The following CASZ1 variants were observed in gnomAD, a reference collection of about 807,000 sequenced individuals.
The protein encoded by CASZ1 is castor zinc finger 1, also known as zinc finger protein castor homolog 1.
In CASZ1, 28 loss-of-function variants were observed where a neutral mutation model predicts 135.2. That is an observed-to-expected ratio of 0.21 (90% CI 0.15 to 0.28). CASZ1 has a LOEUF of 0.28. Ranked by LOEUF, CASZ1 falls within the 10% of genes least tolerant of loss-of-function variation. The pLI is 1.00. For synonymous variants in CASZ1, 1,068 were observed against 1,073.4 expected, an observed-to-expected ratio of 0.99 and a Z score of 0.10; for missense variants, 2,161 against 2,453.3, an observed-to-expected ratio of 0.88 and a Z score of 2.52.
chr1:10,744,739 G>A (rs1640006552), intron 2 of CASZ1, among the ~76,000 whole-genome samples: 1 of 152,146 alleles, frequency 6.6e-6, no homozygotes, highest in Admixed American at 6.5e-5. Context: ...GGCGACAGGG[G>A]AACACAGTCC....
rs1642101886 is a variant in CASZ1 at position 10,639,115 on chromosome 1, C to CGTCGTCGTCCTG, written c.5106_5107insCAGGACGACGAC (p.Asp1702_Asp1703insGlnAspAspAsp). 1 of 1,159,962 alleles carries CGTCGTCGTCCTG rather than the reference C, an allele frequency of 8.6e-7. No individual in the cohort carries two copies. Among genetic ancestry groups the CGTCGTCGTCCTG allele is most frequent in the Non-Finnish European group, 1.1e-6 (1 of 918,426 alleles). 71.9% of individuals were successfully genotyped at this position (1,159,962 alleles called of 1,614,324 possible). A position where few individuals can be genotyped will look rare whatever the true frequency, so the allele number is the denominator to read the frequency against. ...TCGTCGTCCTCGTCGTCGTCCTCGT[C>CGTCGTCGTCCTG]GTCGTCGTCCTCGTCGTCGTCCTCG... On this transcript the variant is annotated inframe_insertion, in exon 21 of 21. Coordinates refer to ENST00000377022, the MANE Select transcript of CASZ1 (RefSeq NM_001079843.3). The surrounding 1 kb of genome is among the most constrained non-coding windows in gnomAD (Gnocchi z 4.0).
intron 2 of CASZ1, among the ~76,000 whole-genome samples, chr1:10,743,727 C>T (rs1183181117): frequency 6.6e-6 from 1 of 150,918 alleles, no homozygotes. Flanking sequence ...ATCCAGTGCC[C>T]TGTTTGTGCC....
At chr1:10,752,654 G>A (rs955113223) in intron 2 of CASZ1, among the ~76,000 whole-genome samples, 4 of 152,218 alleles carry the variant, frequency 2.6e-5, no homozygotes, top group African/African-American at 7.2e-5. Flanking sequence ...AGCTGCCCTG[G>A]AGAGGGAGCC....
chr1:10,763,196 C>T (rs376738014), intron 1 of CASZ1, among the ~76,000 whole-genome samples: 20 of 152,336 alleles, frequency 1.3e-4, no homozygotes, highest in African/African-American at 4.8e-4. Context: ...CCATGGATCC[C>T]GGTCAGAAAG....
intron 2 of CASZ1, among the ~76,000 whole-genome samples, chr1:10,723,342 T>C (rs1008954398): frequency 1.3e-5 from 2 of 152,118 alleles, no homozygotes; most frequent in East Asian, 1.9e-4. Context: ...CACTCACAGA[T>C]ACAGCCTCCT....
chr1:10,653,890 C>T lies in CASZ1; in HGVS notation c.2167G>A (p.Asp723Asn), dbSNP rs139467760. The change falls in exon 11 of 21, where the codon GAC (aspartate) becomes AAC (asparagine). Residue 723 changes from aspartate to asparagine, a missense_variant. Around this residue, in one of 7 missense-constraint regions of CASZ1, gnomAD observed 406 missense variants for 387.6 expected, o/e 1.05. Coordinates refer to ENST00000377022, the MANE Select transcript of CASZ1 (RefSeq NM_001079843.3). The stretch of plus-strand genomic sequence containing the variant: ...AGGGCGGAGAAGTCAACAAGGTCGT[C>T]GTTGCTGGACTCCTCGTGCTCCGTG... ...KDTEHEESSN[D>N]DLVDFSALSS... The T allele has an allele frequency of 7.4e-6, 12 of 1,613,274 alleles. No homozygotes were observed. Among genetic ancestry groups the T allele is most frequent in the East Asian group, 4.5e-5 (2 of 44,868 alleles).
At chr1:10,643,408 GGTCA>G (rs1164900251) in intron 18 of CASZ1, 97 bp from the exon 19 acceptor site, 173 of 1,314,894 alleles carry the variant, frequency 1.3e-4, no homozygotes, top group Non-Finnish European at 1.8e-4. Flanking sequence ...GGGGCAGTGT[GGTCA>G]GTAAGGCAGA....
intron 2 of CASZ1, among the ~76,000 whole-genome samples, chr1:10,740,355 G>T (rs567777963): frequency 3.3e-5 from 5 of 152,170 alleles, no homozygotes; most frequent in Non-Finnish European, 7.3e-5. Context: ...TAATCCATGC[G>T]CCCCAGCCCG....
intron 4 of CASZ1, among the ~76,000 whole-genome samples, chr1:10,672,438 A>G (rs1643435451): frequency 6.7e-6 from 1 of 148,342 alleles, no homozygotes; most frequent in African/African-American, 2.5e-5. Context: ...CTTGGGACGG[A>G]CAGTGATCCT....
chr1:10,728,070 C>T (rs1489296894), intron 2 of CASZ1, among the ~76,000 whole-genome samples: 2 of 152,236 alleles, frequency 1.3e-5, no homozygotes, highest in African/African-American at 4.8e-5. Flanking sequence ...AGGTCTGCTC[C>T]TTCCCCACAT....
chr1:10,643,076 T>C, intron 19 of CASZ1, 76 bp from the exon 20 acceptor site: 1 of 1,595,436 alleles, frequency 6.3e-7, no homozygotes, highest in Admixed American at 1.7e-5. Flanking sequence ...TGAGGCTCCA[T>C]GCAGCACAGG....
rs1557463483 is a variant in CASZ1, at chr1:10,649,127, A to T, written c.3101T>A (p.Val1034Glu). 6.2e-7 allele frequency: 1 copy of T among 1,613,696 alleles called. No individual in the cohort carries two copies. ...GAAGAGCGCGCCGCATTCCTCCACCACGCAGTGGAAGTGGGCCTTGTGGAG... is the reference window on the plus strand; with the variant it reads ...GAAGAGCGCGCCGCATTCCTCCACCTCGCAGTGGAAGTGGGCCTTGTGGAG... The part of the protein sequence containing the change: ...DFLHKAHFHC[V>E]VEECGALFST... Residue 1034 changes from valine (V) to glutamate (E), a missense_variant, in exon 15 of 21, where the codon GTG (valine) becomes GAG (glutamate). Val to Glu is a moderately radical substitution (Grantham distance 121). Around this residue, in one of 7 missense-constraint regions of CASZ1, gnomAD observed 349 missense variants for 460.8 expected, o/e 0.76. Transcript: ENST00000377022.
Position 10,653,559 on chromosome 1 carries a change from G to C in CASZ1, c.2498C>G (p.Thr833Ser), listed in dbSNP as rs1013847958. The change falls in exon 11 of 21, where the codon ACC becomes AGC. Residue 833 changes from threonine (T) to serine (S), a missense_variant. By Grantham distance (58) the Thr-to-Ser change is moderately conservative. This residue lies in a region of CASZ1 where 406 missense variants were observed against 387.6 expected (regional missense o/e 1.05). Transcript: ENST00000377022. Reference protein sequence around the residue: ...AVSSGSAASATPDTPTLVASG... With the variant: ...AVSSGSAASASPDTPTLVASG... The stretch of plus-strand genomic sequence containing the variant: ...GGCGACCAGCGTGGGTGTGTCAGGG[G>C]TGGCTGAGGCTGCTGACCCAGACGA... 4 of 1,582,706 alleles carry C rather than the reference G, an allele frequency of 2.5e-6. No individual in the cohort carries two copies. Among genetic ancestry groups the C allele is most frequent in the Non-Finnish European group, 3.4e-6 (4 of 1,162,362 alleles).
rs1018598448 is a variant in CASZ1 at position 10,756,352 on chromosome 1, C to T, written c.-77+4349G>A. Among the ~76,000 whole-genome samples, 22 of 152,240 alleles carry T rather than the reference C, an allele frequency of 1.4e-4. No homozygotes were observed. Among genetic ancestry groups the T allele is most frequent in the Admixed American group, 1.1e-3 (17 of 15,294 alleles). On this transcript the variant is annotated intron_variant, in intron 2 of 20. Transcript: ENST00000377022. The surrounding 1 kb of genome is among the most constrained non-coding windows in gnomAD (Gnocchi z 5.9). ...ATCACCGGCCCTCCCTTCCTGTCAC[C>T]TCCATGGAGGTCAGGTCTCCAGAGT... is the stretch of plus-strand genomic sequence containing the variant.
chr1:10,660,377 A>T lies in CASZ1; in HGVS notation c.665T>A (p.Met222Lys). ...GSTPEAATSSMLPTSEDTLSK... is the reference protein window; with the variant it reads ...GSTPEAATSSKLPTSEDTLSK... Reference sequence around the variant, plus strand: ...GAGGGTATCCTCGGAGGTGGGCAGCATGGAGGAGGTGGCTGCCTCCGGGGT... The same window carrying T: ...GAGGGTATCCTCGGAGGTGGGCAGCTTGGAGGAGGTGGCTGCCTCCGGGGT... Residue 222 changes from methionine (M) to lysine (K), a missense_variant, in exon 6 of 21, where the codon ATG (methionine) becomes AAG (lysine). Physicochemically the swap from Met to Lys is moderately conservative, Grantham distance 95. Coordinates refer to ENST00000377022, the MANE Select transcript of CASZ1 (RefSeq NM_001079843.3). The T allele has an allele frequency of 6.2e-7, 1 of 1,614,182 alleles. No individual in the cohort carries two copies. Among genetic ancestry groups the T allele is most frequent in the Non-Finnish European group, 8.5e-7 (1 of 1,180,020 alleles).
rs532177284 is a variant in CASZ1 at position 10,721,667 on chromosome 1, C to T, written c.-76-16123G>A. Reference sequence around the variant, plus strand: ...GGTGGAGGGTACGCCAGTGACCTCCCCTCCTAAGCTGCACCTCACCACTGA... The same window carrying T: ...GGTGGAGGGTACGCCAGTGACCTCCTCTCCTAAGCTGCACCTCACCACTGA... On this transcript the variant is annotated intron_variant, in intron 2 of 20. Coordinates refer to ENST00000377022, the MANE Select transcript of CASZ1 (RefSeq NM_001079843.3). This position sits in a 1 kb window ranked among gnomAD's most constrained non-coding sequence, Gnocchi z 5.4. 1.2e-3 allele frequency among the ~76,000 whole-genome samples: 183 copies of T among 152,304 alleles called. 2 individuals carry two copies. Among genetic ancestry groups the T allele is most frequent in the African/African-American group, 4.2e-3 (175 of 41,562 alleles).
rs1639023983 is a variant in CASZ1 at position 10,700,010 on chromosome 1, C to G, written c.-24+5482G>C. Among the ~76,000 whole-genome samples, 1 of 148,086 alleles carries G rather than the reference C, an allele frequency of 6.8e-6. No homozygotes were observed. The highest frequency in any genetic ancestry group is 2.2e-4 in the South Asian group (1 of 4,590). ...AGACAGGCAGAGAGAGAGAGAGAAACAGAGACAGAGAAAGAGAGAGAGAGA... is the reference window on the plus strand; with the variant it reads ...AGACAGGCAGAGAGAGAGAGAGAAAGAGAGACAGAGAAAGAGAGAGAGAGA... On this transcript the variant is annotated intron_variant, in intron 3 of 20. Transcript: ENST00000377022. The surrounding 1 kb of genome is among the most constrained non-coding windows in gnomAD (Gnocchi z 4.2).
rs965793422 is a variant in CASZ1, at chr1:10,699,685, G to A, written c.-23-5773C>T. ...TCTTAATAAATATCCAAACTGGCCC[G>A]GCCGGATCCTCCACTTTGGAGGGAG... On this transcript the variant is annotated intron_variant, in intron 3 of 20. Transcript: ENST00000377022. The surrounding 1 kb of genome is among the most constrained non-coding windows in gnomAD (Gnocchi z 4.6). Among the ~76,000 whole-genome samples the A allele has an allele frequency of 2.0e-5, 3 of 152,014 alleles. No individual in the cohort carries two copies. Among genetic ancestry groups the A allele is most frequent in the East Asian group, 1.9e-4 (1 of 5,184 alleles).
chr1:10,740,804 T>A (rs985155472), intron 2 of CASZ1, among the ~76,000 whole-genome samples: 11 of 151,858 alleles, frequency 7.2e-5, no homozygotes, highest in East Asian at 3.9e-4. Flanking sequence ...AATTTTTTTT[T>A]AAAATTAGCT....
Sources: allele counts gnomAD v4.1 joint callset (sites outside exome capture counted in the v4.1 genomes callset), GRCh38; gene constraint gnomAD v4.1.1; regional missense constraint gnomAD v4.1.1; non-coding constraint Gnocchi (gnomAD v3.1); transcripts MANE v1.5; gene names NCBI Gene and HGNC (gene_info 2026-07-23, HGNC 2026-07-21).